Variants in AATF observed in about 807,000 individuals in gnomAD.
AATF encodes the protein protein AATF.
Under a neutral mutation model 63.7 loss-of-function variants are expected in AATF, and 48 were observed. That is an observed-to-expected ratio of 0.75 (90% CI 0.60 to 0.96). The LOEUF is 0.96. AATF is among the 40% of genes least tolerant of loss of function. The pLI, the probability that AATF is intolerant of heterozygous loss-of-function variation, is 0.00. For missense variants in AATF, 639 were observed against 685.7 expected, an observed-to-expected ratio of 0.93 and a Z score of 0.76; for synonymous variants, 258 against 247.7, an observed-to-expected ratio of 1.04 and a Z score of -0.39.
chr17:36,952,867 T>C lies in AATF; in HGVS notation c.284-19T>C, dbSNP rs201331145. ...CAGGTAATACCCATTTTTCTCTTTC[T>C]TCCCTCTCTTCTTTGTAGATGAGGA... On this transcript the variant is annotated intron_variant, in intron 2 of 11. Coordinates refer to ENST00000619387, the MANE Select transcript of AATF (RefSeq NM_012138.4). 3 of 1,602,682 alleles carry C rather than the reference T, an allele frequency of 1.9e-6. No individual in the cohort carries two copies. In the African/African-American group the frequency reaches 4.0e-5, roughly 22 times the overall value.
rs539599139 is a variant in AATF, at chr17:36,995,067, G to A, written c.1398+4210G>A. ...CTGAAAGGACTAATTGAGCTTAGAT[G>A]TTGACAGATCAATACCTGGATTTCT... On this transcript the variant is annotated intron_variant, in intron 8 of 11. Transcript: ENST00000619387. 2.0e-5 allele frequency among the ~76,000 whole-genome samples: 3 copies of A among 152,336 alleles called. No homozygotes were observed. The South Asian group carries it at 6.2e-4, about 32-fold the overall frequency.
intron 10 of AATF, among the ~76,000 whole-genome samples, chr17:37,028,951 GAA>G (rs1491568106): frequency 6.6e-6 from 1 of 150,522 alleles, no homozygotes; most frequent in African/African-American, 2.5e-5. Context: ...AAAATTGTGT[GAA>G]TATATATATA....
At chr17:37,033,976 A>T (rs1679124712) in intron 11 of AATF, among the ~76,000 whole-genome samples, 1 of 152,186 alleles carries the variant, frequency 6.6e-6, no homozygotes, top group African/African-American at 2.4e-5. Flanking sequence ...TAGAGCAAGC[A>T]AGGGAGAAGG....
intron 8 of AATF, among the ~76,000 whole-genome samples, chr17:37,008,327 A>T (rs1272856117): frequency 2.0e-5 from 3 of 152,224 alleles, no homozygotes; most frequent in Non-Finnish European, 4.4e-5. Context: ...AGGAAACTGA[A>T]TCTCAGGGAG....
At chr17:36,974,996 G>T (rs1177566665) in intron 4 of AATF, among the ~76,000 whole-genome samples, 1 of 152,098 alleles carries the variant, frequency 6.6e-6, no homozygotes. Context: ...AGTAAAACTT[G>T]TTTGTTGTGA....
At chr17:36,986,326 C>G (rs1386519095) in intron 4 of AATF, among the ~76,000 whole-genome samples, 1 of 152,162 alleles carries the variant, frequency 6.6e-6, no homozygotes, top group African/African-American at 2.4e-5. Context: ...GTTTGTCAAG[C>G]TTAATACATT....
intron 4 of AATF, among the ~76,000 whole-genome samples, chr17:36,984,374 A>G (rs1310796555): frequency 2.0e-5 from 3 of 152,246 alleles, no homozygotes; most frequent in South Asian, 2.1e-4. Context: ...CACATTGAAC[A>G]ATGCAGAGAG....
intron 11 of AATF, among the ~76,000 whole-genome samples, chr17:37,035,303 C>T (rs1056980053): frequency 6.6e-6 from 1 of 151,520 alleles, no homozygotes; most frequent in Non-Finnish European, 1.5e-5. Context: ...ACTGCAACCT[C>T]CGCCTCCTGG....
intron 4 of AATF, among the ~76,000 whole-genome samples, chr17:36,955,916 C>T (rs944184283): frequency 2.0e-5 from 3 of 152,100 alleles, no homozygotes; most frequent in Non-Finnish European, 2.9e-5. Flanking sequence ...GCATGAGCCA[C>T]CATGCCCGAC....
At chr17:37,017,300 T>A (rs1416486837) in intron 8 of AATF, among the ~76,000 whole-genome samples, 2 of 152,208 alleles carry the variant, frequency 1.3e-5, no homozygotes, top group Admixed American at 1.3e-4. Context: ...TCCTTCCTTT[T>A]TATTTTTCTT....
intron 1 of AATF, 85 bp downstream of exon 1, chr17:36,949,301 G>C: frequency 7.6e-7 from 1 of 1,312,216 alleles, no homozygotes; most frequent in Non-Finnish European, 1.0e-6. Context: ...GGGCGTGCGC[G>C]AGGCCGCCGG....
At chr17:37,041,805 G>A (rs116124222) in intron 11 of AATF, among the ~76,000 whole-genome samples, 4,642 of 152,206 alleles carry the variant, frequency 0.03, 238 homozygotes, top group African/African-American at 0.11. Context: ...ACACCCGGCC[G>A]GGAGAGCCAT....
Position 37,056,843 on chromosome 17 carries a change from G to A in AATF, c.*179G>A, listed in dbSNP as rs150772606. ...GTCCCGCCCAACCCCGCCTTTAAACGCCACAAATAAAGAGCATTGTTACCG... is the reference window on the plus strand; with the variant it reads ...GTCCCGCCCAACCCCGCCTTTAAACACCACAAATAAAGAGCATTGTTACCG... On this transcript the variant is annotated 3_prime_UTR_variant, in exon 12 of 12. Coordinates refer to ENST00000619387, the MANE Select transcript of AATF (RefSeq NM_012138.4). The A allele has an allele frequency of 8.1e-3, 5,011 of 615,730 alleles. 36 individuals carry two copies. The highest frequency in any genetic ancestry group is 0.011 in the Non-Finnish European group (3,997 of 354,036). 38.1% of individuals were successfully genotyped at this position (615,730 alleles called of 1,614,324 possible).
At chr17:36,959,822 A>G (rs2070931967) in intron 4 of AATF, among the ~76,000 whole-genome samples, 1 of 152,208 alleles carries the variant, frequency 6.6e-6, no homozygotes, top group Non-Finnish European at 1.5e-5. Flanking sequence ...ACATCCAAGA[A>G]CACAGCATAA....
At chr17:37,028,398 A>T (rs1016224760) in intron 10 of AATF, among the ~76,000 whole-genome samples, 1 of 152,106 alleles carries the variant, frequency 6.6e-6, no homozygotes, top group Non-Finnish European at 1.5e-5. Context: ...CGCACACTGC[A>T]CTCCAGCCTG....
At position 36,957,694 on chromosome 17, in the gene AATF, ATC is replaced by A. The variant is rs367753345; in HGVS notation, c.832+3791_832+3792del. Among the ~76,000 whole-genome samples the A allele has an allele frequency of 5.1e-3, 769 of 151,994 alleles. 3 individuals carry two copies. Among genetic ancestry groups the A allele is most frequent in the African/African-American group, 0.018 (737 of 41,418 alleles). Reference sequence around the variant, plus strand: ...CTGTTTGGGTTCTCCTACCTTTCTGATCTCTTCTCTGGTTCCTTTTGTATCCT... The same window carrying A: ...CTGTTTGGGTTCTCCTACCTTTCTGATCTTCTCTGGTTCCTTTTGTATCCT... On this transcript the variant is annotated intron_variant, in intron 4 of 11. Coordinates refer to ENST00000619387, the MANE Select transcript of AATF (RefSeq NM_012138.4).
chr17:37,021,860 T>C (rs2142290132), intron 10 of AATF, among the ~76,000 whole-genome samples: 1 of 150,826 alleles, frequency 6.6e-6, no homozygotes, highest in Non-Finnish European at 1.5e-5. Context: ...AATGTTATTG[T>C]CTTATTGGTC....
chr17:37,046,981 C>T (rs963002118), intron 11 of AATF, among the ~76,000 whole-genome samples: 3 of 152,168 alleles, frequency 2.0e-5, no homozygotes, highest in African/African-American at 7.2e-5. Flanking sequence ...AAACCGTAAA[C>T]ACAACACTGG....
In AATF at chr17:36,949,087, T is replaced by A. The variant is rs1280259919; in HGVS notation, c.-39T>A. On this transcript the variant is annotated 5_prime_UTR_variant, in exon 1 of 12. Coordinates refer to ENST00000619387, the MANE Select transcript of AATF (RefSeq NM_012138.4). Reference sequence around the variant, plus strand: ...CGGGGCCGGGGGTTGGGCCGCACATTTACGTGCGCGAAGCGGAGTGGACCG... The same window carrying A: ...CGGGGCCGGGGGTTGGGCCGCACATATACGTGCGCGAAGCGGAGTGGACCG... 2.0e-6 allele frequency: 3 copies of A among 1,514,788 alleles called. No individual in the cohort carries two copies. The Admixed American group carries it at 5.9e-5, about 30-fold the overall frequency. 93.8% of individuals were successfully genotyped at this position (1,514,788 alleles called of 1,614,324 possible). A position where few individuals can be genotyped will look rare whatever the true frequency, so the allele number is the denominator to read the frequency against.
Sources: allele counts gnomAD v4.1 joint callset (sites outside exome capture counted in the v4.1 genomes callset), GRCh38; gene constraint gnomAD v4.1.1; transcripts MANE v1.5; gene names NCBI Gene and HGNC (gene_info 2026-07-23, HGNC 2026-07-21).